Variants in FHIT observed in about 807,000 individuals in gnomAD.
FHIT encodes the protein bis(5'-adenosyl)-triphosphatase.
A neutral mutation model predicts 17.9 loss-of-function variants in FHIT; 19 were observed. The observed-to-expected ratio is 1.06, with a 90% CI of 0.74 to 1.56. FHIT has a LOEUF of 1.56. FHIT is among the 40% of genes most tolerant of loss of function. FHIT has a pLI of 0.00. For synonymous variants in FHIT, 81 were observed against 69.7 expected (o/e 1.16, Z -0.81); for missense variants, 248 against 189.2 (o/e 1.31, Z -1.82).
chr3:60,119,525 C>A (rs1705149707), intron 5 of FHIT, among the ~76,000 whole-genome samples: 1 of 151,946 alleles, frequency 6.6e-6, no homozygotes. Flanking sequence ...TTATAAAATC[C>A]AGGATATATG....
At chr3:60,913,211 G>C (rs1482098556) in intron 3 of FHIT, among the ~76,000 whole-genome samples, 1 of 152,212 alleles carries the variant, frequency 6.6e-6, no homozygotes, top group Non-Finnish European at 1.5e-5. Context: ...ACACATATTT[G>C]TTTGACTCTA....
rs564461585 is a variant in FHIT at position 60,476,194 on chromosome 3, CCT to C, written c.103+60664_103+60665del. On this transcript the variant is annotated intron_variant, in intron 5 of 9. Coordinates refer to ENST00000492590, the MANE Select transcript of FHIT (RefSeq NM_002012.4). The stretch of plus-strand genomic sequence containing the variant: ...TTTAACGTACCTGAGCCTCAGTGTC[CCT>C]GAGTGTAAAATATAAATAAAAATAT... 7.9e-5 allele frequency among the ~76,000 whole-genome samples: 12 copies of C among 152,152 alleles called. No homozygotes were observed. In the East Asian group the frequency reaches 1.2e-3, roughly 15 times the overall value.
At chr3:60,578,969 G>A (rs1205308681) in intron 4 of FHIT, among the ~76,000 whole-genome samples, 1 of 152,096 alleles carries the variant, frequency 6.6e-6, no homozygotes, top group Non-Finnish European at 1.5e-5. Flanking sequence ...AAGAAAAAGG[G>A]AATTTTACAA....
At chr3:60,172,032 T>C (rs1394710424) in intron 5 of FHIT, among the ~76,000 whole-genome samples, 1 of 152,044 alleles carries the variant, frequency 6.6e-6, no homozygotes, top group Non-Finnish European at 1.5e-5. Context: ...TGAACAAAAA[T>C]CCAAACAGCC....
chr3:61,080,979 G>A (rs1037581918), intron 2 of FHIT, among the ~76,000 whole-genome samples: 1 of 152,168 alleles, frequency 6.6e-6, no homozygotes, highest in African/African-American at 2.4e-5. Flanking sequence ...GGACTTTGTG[G>A]CCTCCCAGCT....
intron 5 of FHIT, among the ~76,000 whole-genome samples, chr3:60,279,627 A>G (rs1707332670): frequency 1.3e-5 from 2 of 152,178 alleles, no homozygotes; most frequent in South Asian, 2.1e-4. Context: ...AAGAAAAACT[A>G]GAAATTAATA....
intron 5 of FHIT, among the ~76,000 whole-genome samples, chr3:60,060,050 A>T (rs1702238240): frequency 6.6e-6 from 1 of 152,134 alleles, no homozygotes; most frequent in Non-Finnish European, 1.5e-5. Flanking sequence ...TGGGGGAAAA[A>T]TGGTAGTCAT....
rs545728259 is a variant in FHIT, at chr3:60,071,900, C to G, written c.104-57748G>C. On this transcript the variant is annotated intron_variant, in intron 5 of 9. Transcript: ENST00000492590. ...TTATAAAGCGGAGTTCCCCTCTACA[C>G]AAGCCCTCTTGCCTGCCACCATGTA... 3.9e-5 allele frequency among the ~76,000 whole-genome samples: 6 copies of G among 152,324 alleles called. No homozygotes were observed. In the South Asian group the frequency reaches 1.0e-3, roughly 26 times the overall value.
chr3:60,458,951 A>T (rs1424574126), intron 5 of FHIT, among the ~76,000 whole-genome samples: 3 of 147,782 alleles, frequency 2.0e-5, no homozygotes, highest in East Asian at 4.0e-4. Context: ...AATTTGTCTT[A>T]TTTTTTTTTT....
intron 2 of FHIT, among the ~76,000 whole-genome samples, chr3:61,180,290 T>A (rs2038298453): frequency 6.6e-6 from 1 of 152,194 alleles, no homozygotes; most frequent in South Asian, 2.1e-4. Flanking sequence ...AGCAAGTGAT[T>A]TAGAGCAATG....
At chr3:60,051,931 T>C (rs1005724144) in intron 5 of FHIT, among the ~76,000 whole-genome samples, 3 of 152,172 alleles carry the variant, frequency 2.0e-5, no homozygotes, top group Non-Finnish European at 2.9e-5. Flanking sequence ...GGTATCTCCA[T>C]TGGAACAGGG....
intron 5 of FHIT, among the ~76,000 whole-genome samples, chr3:60,318,830 G>A (rs1025255730): frequency 6.6e-6 from 1 of 152,174 alleles, no homozygotes; most frequent in Non-Finnish European, 1.5e-5. Flanking sequence ...CAGTTTCACT[G>A]AGCTAAAGTC....
intron 7 of FHIT, among the ~76,000 whole-genome samples, chr3:59,929,155 A>G (rs1262552422): frequency 6.6e-6 from 1 of 152,028 alleles, no homozygotes; most frequent in Non-Finnish European, 1.5e-5. Flanking sequence ...TAATGTTACC[A>G]TATGACCCAT....
chr3:59,917,940 G>C (rs1480380065), intron 8 of FHIT, among the ~76,000 whole-genome samples: 6 of 152,226 alleles, frequency 3.9e-5, no homozygotes, highest in Non-Finnish European at 2.9e-5. Context: ...GTGCCTATCA[G>C]ACTTGCTTAG....
At chr3:60,957,214 C>A (rs897943479) in intron 3 of FHIT, among the ~76,000 whole-genome samples, 40 of 149,390 alleles carry the variant, frequency 2.7e-4, no homozygotes, top group Non-Finnish European at 4.9e-4. Context: ...ACAGCACCAT[C>A]TTCTTCTTTT....
At chr3:60,990,377 G>A (rs974928283) in intron 3 of FHIT, among the ~76,000 whole-genome samples, 6 of 152,146 alleles carry the variant, frequency 3.9e-5, no homozygotes, top group African/African-American at 9.7e-5. Flanking sequence ...TCAACCCCAC[G>A]CATTGAGCAG....
intron 3 of FHIT, among the ~76,000 whole-genome samples, chr3:61,035,743 A>G (rs1045232125): frequency 2.6e-5 from 4 of 151,878 alleles, no homozygotes; most frequent in Non-Finnish European, 5.9e-5. Flanking sequence ...ATATTATCCA[A>G]GAAGAAGTAA....
At chr3:60,793,944 T>A (rs1445806097) in intron 4 of FHIT, among the ~76,000 whole-genome samples, 1 of 152,134 alleles carries the variant, frequency 6.6e-6, no homozygotes, top group Non-Finnish European at 1.5e-5. Flanking sequence ...CACAGATATG[T>A]TGAAAGGTAC....
intron 4 of FHIT, among the ~76,000 whole-genome samples, chr3:60,687,914 C>T (rs1389808327): frequency 2.6e-5 from 4 of 152,034 alleles, no homozygotes; most frequent in Non-Finnish European, 2.9e-5. Flanking sequence ...TTCTTGATTG[C>T]ATTTAATATT....
Sources: gnomAD v4.1 joint callset for allele counts (sites outside exome capture counted in the v4.1 genomes callset) on GRCh38, gnomAD v4.1.1 for gene constraint, MANE v1.5 for transcripts, NCBI Gene and HGNC (gene_info 2026-07-23, HGNC 2026-07-21) for gene names.